The following DNAAF5 variants were observed in gnomAD, a reference collection of about 807,000 sequenced individuals.
DNAAF5 encodes HEAT repeat containing 2.
A neutral mutation model predicts 75.8 loss-of-function variants in DNAAF5; 64 were observed. The ratio of observed to expected loss-of-function variants is 0.84; its 90% confidence interval spans 0.69 to 1.04. The LOEUF (loss-of-function observed/expected upper bound fraction) is 1.04. DNAAF5 is among the 50% of genes least tolerant of loss of function. The pLI is 0.00. For missense variants in DNAAF5, 1,269 were observed against 1,178.5 expected, an observed-to-expected ratio of 1.08 and a Z score of -1.12; for synonymous variants, 657 against 557.2, an observed-to-expected ratio of 1.18 and a Z score of -2.52.
chr7:780,061 AT>A lies in DNAAF5; in HGVS notation c.2349del (p.Gln784ArgfsTer27). 1.9e-6 allele frequency: 3 copies of A among 1,614,194 alleles called. No homozygotes were observed. The highest frequency in any genetic ancestry group is 2.5e-6 in the Non-Finnish European group (3 of 1,180,018). Reference sequence around the variant, plus strand: ...AAGGGTGCCAACGCAAAATCCTACTATCAGAGCAGTGTCCAGTACCTGTACC... The same window carrying A: ...AAGGGTGCCAACGCAAAATCCTACTACAGAGCAGTGTCCAGTACCTGTACC... ...CVKGANAKSY[Y>X]QSSVQYLYRE... On this transcript the variant is annotated frameshift_variant, in exon 12 of 13. Transcript: ENST00000297440. LOFTEE classifies it high-confidence loss of function.
In DNAAF5 at chr7:785,732, C is replaced by T. The variant is rs1243133144; in HGVS notation, c.*79C>T. The stretch of plus-strand genomic sequence containing the variant: ...TGGCCTTTAAATCTCATAAACAAGG[C>T]ACCTCTGTGCCAGCAGTGAGACTGT... On this transcript the variant is annotated 3_prime_UTR_variant, in exon 13 of 13. Transcript: ENST00000297440. 4.6e-6 allele frequency: 7 copies of T among 1,520,170 alleles called. No individual in the cohort carries two copies. Among genetic ancestry groups the T allele is most frequent in the African/African-American group, 2.7e-5 (2 of 73,120 alleles). The allele number at this position is 1,520,170 out of a possible 1,614,324, so 94.2% of individuals were successfully genotyped here.
intron 8 of DNAAF5, among the ~76,000 whole-genome samples, chr7:767,145 A>T (rs1214249404): frequency 3.3e-5 from 5 of 151,228 alleles, no homozygotes; most frequent in Admixed American, 3.3e-4. Context: ...AGGCTGAGGC[A>T]GGACAATGGC....
intron 11 of DNAAF5, among the ~76,000 whole-genome samples, chr7:777,205 G>A (rs1321128144): frequency 1.3e-5 from 2 of 152,096 alleles, no homozygotes; most frequent in Non-Finnish European, 2.9e-5. Flanking sequence ...GACTCATCCT[G>A]AAACCATCTC....
chr7:777,613 C>T (rs1055123709), intron 11 of DNAAF5, among the ~76,000 whole-genome samples: 1 of 152,160 alleles, frequency 6.6e-6, no homozygotes, highest in African/African-American at 2.4e-5. Flanking sequence ...TCCTGATTAG[C>T]TCTACTTAAT....
Position 754,843 on chromosome 7 carries a change from G to T in DNAAF5, c.1257+22G>T. 6.5e-7 allele frequency: 1 copy of T among 1,535,780 alleles called. No homozygotes were observed. Among genetic ancestry groups the T allele is most frequent in the Non-Finnish European group, 8.9e-7 (1 of 1,124,278 alleles). Reference sequence around the variant, plus strand: ...AAGTGTAAGTGGCCGTATTCCAGTCGTGGTCGCGGAGCTGTAACTCGAGCT... The same window carrying T: ...AAGTGTAAGTGGCCGTATTCCAGTCTTGGTCGCGGAGCTGTAACTCGAGCT... On this transcript the variant is annotated intron_variant, in intron 5 of 12. Transcript: ENST00000297440. This position sits in a 1 kb window ranked among gnomAD's most constrained non-coding sequence, Gnocchi z 4.8.
intron 2 of DNAAF5, among the ~76,000 whole-genome samples, chr7:731,693 T>C (rs1215095869): frequency 6.6e-6 from 1 of 152,124 alleles, no homozygotes; most frequent in Non-Finnish European, 1.5e-5. Flanking sequence ...TTTTTTTTTT[T>C]CTTTTAGCTC....
chr7:781,452 T>C (rs546220761), intron 12 of DNAAF5, among the ~76,000 whole-genome samples: 1 of 151,962 alleles, frequency 6.6e-6, no homozygotes, highest in Non-Finnish European at 1.5e-5. Context: ...TTCCACACCT[T>C]GGCTGTCGGA....
chr7:754,636 T>C lies in DNAAF5; in HGVS notation c.1072T>C (p.Ser358Pro). The C allele has an allele frequency of 1.9e-6, 3 of 1,614,150 alleles. 1 individual carries two copies. The Middle Eastern group carries it at 4.9e-4, about 266-fold the overall frequency. The change falls in exon 5 of 13, where the codon TCC becomes CCC. Residue 358 changes from serine to proline, a missense_variant. Transcript: ENST00000297440. This position sits in a 1 kb window ranked among gnomAD's most constrained non-coding sequence, Gnocchi z 4.8. The stretch of plus-strand genomic sequence containing the variant: ...CCGGGAGCTCGTCTTCAGGAACCTC[T>C]CCAAGATCCTCCCTGCCCTGTGCCA... ...GCRELVFRNLSKILPALCHDI... is the reference protein window; with the variant it reads ...GCRELVFRNLPKILPALCHDI...
In DNAAF5 at chr7:786,289, A is replaced by G. The variant is rs2128088542; in HGVS notation, c.*636A>G. ...AATTGTGGTTGCCCCTATAGGTAGC[A>G]GGAAAGTAAAGTTGCATTTCCCTCT... On this transcript the variant is annotated 3_prime_UTR_variant, in exon 13 of 13. Coordinates refer to ENST00000297440, the MANE Select transcript of DNAAF5 (RefSeq NM_017802.4). The G allele has an allele frequency of 6.6e-6, 1 of 152,394 alleles. No individual in the cohort carries two copies. The allele number at this position is 152,394 out of a possible 1,614,324, so 9.4% of individuals were successfully genotyped here. A position where few individuals can be genotyped will look rare whatever the true frequency, so the allele number is the denominator to read the frequency against.
rs1230657587 is a variant in DNAAF5, at chr7:774,215, G to A, written c.2082+17G>A. 2 of 1,593,596 alleles carry A rather than the reference G, an allele frequency of 1.3e-6. No homozygotes were observed. Among genetic ancestry groups the A allele is most frequent in the Non-Finnish European group, 8.5e-7 (1 of 1,173,862 alleles). The stretch of plus-strand genomic sequence containing the variant: ...GCAGAGCAGGTACGGGGCTCCCTGC[G>A]TGCTCGGTGGACACCGGCCGGGGAC... On this transcript the variant is annotated intron_variant, in intron 10 of 12. Coordinates refer to ENST00000297440, the MANE Select transcript of DNAAF5 (RefSeq NM_017802.4).
At chr7:727,524 C>G in intron 1 of DNAAF5, 1 of 298,132 alleles carries the variant, frequency 3.4e-6, no homozygotes, top group Non-Finnish European at 6.0e-6. Flanking sequence ...ACCACTGCTT[C>G]CCCTGCCTCA....
chr7:757,689 T>C (rs910692802), intron 6 of DNAAF5, among the ~76,000 whole-genome samples: 3 of 152,254 alleles, frequency 2.0e-5, no homozygotes, highest in African/African-American at 7.2e-5. Flanking sequence ...GAAGAGGTGA[T>C]GGCTTTGCTT....
chr7:775,695 C>T (rs890187393), intron 11 of DNAAF5, among the ~76,000 whole-genome samples: 1 of 152,152 alleles, frequency 6.6e-6, no homozygotes, highest in African/African-American at 2.4e-5. Context: ...ACGTTGAACC[C>T]GCATGAAGAA....
At chr7:762,941 A>C (rs1471600427) in intron 7 of DNAAF5, among the ~76,000 whole-genome samples, 2 of 151,830 alleles carry the variant, frequency 1.3e-5, no homozygotes, top group Non-Finnish European at 2.9e-5. Context: ...TTTAACCCCA[A>C]CCTTCTAATG....
chr7:780,855 T>G (rs370577387), intron 12 of DNAAF5, among the ~76,000 whole-genome samples: 2 of 151,384 alleles, frequency 1.3e-5, no homozygotes, highest in African/African-American at 2.4e-5. Context: ...TGTTTTGTTG[T>G]TGGTGAATAT....
chr7:747,306 G>A (rs1474473091), intron 4 of DNAAF5, among the ~76,000 whole-genome samples: 1 of 152,256 alleles, frequency 6.6e-6, no homozygotes, highest in Non-Finnish European at 1.5e-5. Flanking sequence ...TTTTTAGTGT[G>A]TCGGTTGGTG....
intron 12 of DNAAF5, among the ~76,000 whole-genome samples, chr7:783,352 G>C (rs1779041141): frequency 6.6e-6 from 1 of 152,220 alleles, no homozygotes; most frequent in East Asian, 1.9e-4. Context: ...GGTGAGTGTG[G>C]CAGGGGGCGT....
Position 748,660 on chromosome 7 carries a change from C to T in DNAAF5, c.1025-5929C>T, listed in dbSNP as rs563246549. Among the ~76,000 whole-genome samples, 11 of 152,232 alleles carry T rather than the reference C, an allele frequency of 7.2e-5. No individual in the cohort carries two copies. In the East Asian group the frequency reaches 2.1e-3, roughly 30 times the overall value. ...CCCTACCACAGTGGAGGTGCTCCTT[C>T]TCCTCGGTGGACTCGGGCCCTGTGC... On this transcript the variant is annotated intron_variant, in intron 4 of 12. Coordinates refer to ENST00000297440, the MANE Select transcript of DNAAF5 (RefSeq NM_017802.4).
intron 9 of DNAAF5, 30 bp from the exon 10 acceptor site, chr7:774,018 C>T (rs1438827753): frequency 1.2e-6 from 2 of 1,613,804 alleles, no homozygotes; most frequent in Non-Finnish European, 1.7e-6. Context: ...TGTCCGGTCT[C>T]CTCATCCACC....
Sources: allele counts gnomAD v4.1 joint callset (sites outside exome capture counted in the v4.1 genomes callset), GRCh38; gene constraint gnomAD v4.1.1; non-coding constraint Gnocchi (gnomAD v3.1); transcripts MANE v1.5; gene names NCBI Gene and HGNC (gene_info 2026-07-23, HGNC 2026-07-21).